KCNC4: variants seen among roughly 807,000 people sequenced by gnomAD.
KCNC4 encodes the protein voltage-gated potassium channel KCNC4.
In KCNC4, 23 loss-of-function variants were observed where a neutral mutation model predicts 42.8. The ratio of observed to expected loss-of-function variants is 0.54; its 90% CI spans 0.39 to 0.76. The LOEUF is 0.76. Among genes scored for constraint, KCNC4 ranks in the 30% least tolerant of loss-of-function variants. The probability of loss-of-function intolerance (pLI) is 0.00; values close to 1 mark genes in which losing one functional copy is unlikely to be tolerated. For missense variants in KCNC4, 751 were observed against 898.2 expected, an observed-to-expected ratio of 0.84 and a Z score of 2.10; for synonymous variants, 422 against 393.5, an observed-to-expected ratio of 1.07 and a Z score of -0.86.
At chr1:110,219,919 C>G (rs1657997784) in intron 1 of KCNC4, 1 of 152,250 alleles carries the variant, frequency 6.6e-6, no homozygotes, top group Non-Finnish European at 1.5e-5. Context: ...AGCAAGGTGC[C>G]ACAGCTCAGG....
At chr1:110,261,883 T>C (rs894364793) in intron 1 of KCNC4, among the ~76,000 whole-genome samples, 1 of 152,256 alleles carries the variant, frequency 6.6e-6, no homozygotes, top group Non-Finnish European at 1.5e-5. Flanking sequence ...AAAAGTTACT[T>C]GTTTTTCTTA....
exon 4 of KCNC4, chr1:110,245,661 A>G (rs1258358468): frequency 1.3e-5 from 2 of 152,224 alleles, no homozygotes; most frequent in Non-Finnish European, 2.9e-5. Context: ...CCCCGCTCCC[A>G]TAACACACGC....
intron 1 of KCNC4, among the ~76,000 whole-genome samples, chr1:110,254,961 G>A (rs2101069986): frequency 6.6e-6 from 1 of 152,338 alleles, no homozygotes; most frequent in African/African-American, 2.4e-5. Context: ...TCTGGAAAGG[G>A]TGCCAACATT....
intron 1 of KCNC4, among the ~76,000 whole-genome samples, chr1:110,271,132 C>T (rs1659626947): frequency 6.6e-6 from 1 of 152,180 alleles, no homozygotes; most frequent in African/African-American, 2.4e-5. Context: ...CTAGATGCCA[C>T]TCAGACCCTG....
chr1:110,282,360 T>C (rs1659842334), intron 1 of KCNC4, among the ~76,000 whole-genome samples: 1 of 152,238 alleles, frequency 6.6e-6, no homozygotes, highest in South Asian at 2.1e-4. Context: ...TAACTCCACC[T>C]GTCATCTCTC....
At position 110,223,956 on chromosome 1, in the gene KCNC4, T is replaced by A; in HGVS notation, c.1615+56T>A. 3 of 1,348,712 alleles carry A rather than the reference T, an allele frequency of 2.2e-6. No individual in the cohort carries two copies. The highest frequency in any genetic ancestry group is 4.7e-5 in the East Asian group (2 of 42,520). 83.5% of individuals were successfully genotyped at this position (1,348,712 alleles called of 1,614,324 possible). ...TTTTCCCCCAGTGGCCTAGGGAGTT[T>A]CCAAATGGACCTCAGACCTTGGGAT... On this transcript the variant is annotated intron_variant, in intron 2 of 3. Transcript: ENST00000438661. The surrounding 1 kb of genome is among the most constrained non-coding windows in gnomAD (Gnocchi z 7.5).
At chr1:110,252,961 G>A (rs979775965), downstream of KCNC4, among the ~76,000 whole-genome samples, 14 of 152,108 alleles carry the variant, frequency 9.2e-5, no homozygotes, top group East Asian at 1.9e-4. Context: ...ACTCCCCAGC[G>A]TATGTTTGTG....
In KCNC4 at chr1:110,266,973, T is replaced by A. The variant is rs377420192; in HGVS notation, n.31-15561T>A. ...TGCAGGGCAGGCTGAGCAAACACCA[T>A]CTGCCAAGAGGCCTGCAGCAAAACA... On this transcript the variant is annotated intron_variant and non_coding_transcript_variant, in intron 1 of 2. Transcript: ENST00000412512. Among the ~76,000 whole-genome samples, 133 of 152,312 alleles carry A rather than the reference T, an allele frequency of 8.7e-4. 3 individuals carry two copies. In the South Asian group the frequency reaches 0.023, roughly 27 times the overall value.
chr1:110,238,136 C>T (rs938348736), downstream of KCNC4: 26 of 152,192 alleles, frequency 1.7e-4, no homozygotes, highest in African/African-American at 4.3e-4. Context: ...AGGTCAGAGG[C>T]CTTCTGATGT....
chr1:110,278,251 T>G (rs1659760047), intron 1 of KCNC4, among the ~76,000 whole-genome samples: 1 of 152,154 alleles, frequency 6.6e-6, no homozygotes, highest in South Asian at 2.1e-4. Context: ...ATACTAAATG[T>G]CCCTTGGGCA....
At chr1:110,239,708 T>TG (rs1658988215) in exon 4 of KCNC4, 2 of 152,190 alleles carry the variant, frequency 1.3e-5, no homozygotes, top group African/African-American at 4.8e-5. Context: ...TGGGAGTCCT[T>TG]GGGGAATAAC....
At chr1:110,281,653 T>C (rs1345216593) in intron 1 of KCNC4, among the ~76,000 whole-genome samples, 2 of 151,924 alleles carry the variant, frequency 1.3e-5, no homozygotes, top group Non-Finnish European at 2.9e-5. Flanking sequence ...TGGCTCATGG[T>C]GAGCCAGTTG....
intron 1 of KCNC4, among the ~76,000 whole-genome samples, chr1:110,271,788 A>T (rs57748904): frequency 1.2e-3 from 190 of 152,142 alleles, no homozygotes; most frequent in African/African-American, 4.3e-3. Context: ...GTTGGGGAGG[A>T]GACTGTCCCC....
At position 110,223,113 on chromosome 1, in the gene KCNC4, G is replaced by A. The variant is rs1658192499; in HGVS notation, c.828G>A (p.Glu276=). ...GCGTGCACTTCCGGCGGGAGGTAGA[G>A]ACAGAGCCCATCCTGACCTACATCG... ...ITSVHFRREV[E]TEPILTYIEG... Residue 276 remains glutamate (E), a synonymous_variant, in exon 2 of 4, where the codon GAG becomes GAA. Coordinates refer to ENST00000438661, the MANE Select transcript of KCNC4 (RefSeq NM_001039574.3). The surrounding 1 kb of genome is among the most constrained non-coding windows in gnomAD (Gnocchi z 7.5). 1.2e-6 allele frequency: 2 copies of A among 1,614,212 alleles called. No individual in the cohort carries two copies. The highest frequency in any genetic ancestry group is 1.7e-6 in the Non-Finnish European group (2 of 1,180,034).
rs1486356555 is a variant in KCNC4, at chr1:110,223,079, A to G, written c.794A>G (p.Asn265Ser). 6.2e-7 allele frequency: 1 copy of G among 1,614,170 alleles called. No homozygotes were observed. The highest frequency in any genetic ancestry group is 8.5e-7 in the Non-Finnish European group (1 of 1,180,026). The change falls in exon 2 of 4, where the codon AAC becomes AGC. Residue 265 changes from asparagine to serine, a missense_variant. Asn to Ser is a conservative substitution (Grantham distance 46). Coordinates refer to ENST00000438661, the MANE Select transcript of KCNC4 (RefSeq NM_001039574.3). The surrounding 1 kb of genome is among the most constrained non-coding windows in gnomAD (Gnocchi z 7.5). ...GTGACAGAGATCCTCCGCGTAGGGA[A>G]CATCACCAGCGTGCACTTCCGGCGG... ...RNVTEILRVG[N>S]ITSVHFRREV... is the part of the protein sequence containing the mutation.
At chr1:110,259,315 G>A (rs1057316010) in intron 1 of KCNC4, among the ~76,000 whole-genome samples, 5 of 152,226 alleles carry the variant, frequency 3.3e-5, no homozygotes. Flanking sequence ...GTGTTTGAGA[G>A]GGGACGGTGG....
At position 110,211,715 on chromosome 1, in the gene KCNC4, C is replaced by T. The variant is rs781619537; in HGVS notation, c.216C>T (p.Gly72=). The T allele has an allele frequency of 1.2e-6, 2 of 1,607,964 alleles. No homozygotes were observed. Among genetic ancestry groups the T allele is most frequent in the East Asian group, 4.5e-5 (2 of 44,716 alleles). Residue 72 remains glycine, a synonymous_variant, in exon 1 of 4, where the codon GGC becomes GGT. Transcript: ENST00000438661. This position sits in a 1 kb window ranked among gnomAD's most constrained non-coding sequence, Gnocchi z 6.5. ...GGCTGGCCGACCCCGACGGCGGGGG[C>T]CGGCCCGAGACCGATGGCGGCGGTG... The part of the protein sequence containing the change: ...LAWLADPDGG[G]RPETDGGGVG...
chr1:110,264,061 C>G (rs1418267449), intron 1 of KCNC4, among the ~76,000 whole-genome samples: 1 of 152,054 alleles, frequency 6.6e-6, no homozygotes, highest in Non-Finnish European at 1.5e-5. Flanking sequence ...CTTCTGGCCC[C>G]GGGCAGTAAA....
downstream of KCNC4, chr1:110,237,222 TG>T (rs1257787259): frequency 6.6e-6 from 1 of 152,182 alleles, no homozygotes; most frequent in Non-Finnish European, 1.5e-5. Flanking sequence ...GAGGATTTCT[TG>T]AGCCCAGGAG....
Sources: allele counts gnomAD v4.1 joint callset (sites outside exome capture counted in the v4.1 genomes callset), GRCh38; gene constraint gnomAD v4.1.1; non-coding constraint Gnocchi (gnomAD v3.1); transcripts MANE v1.5; gene names NCBI Gene and HGNC (gene_info 2026-07-23, HGNC 2026-07-21).